The following NSMCE1 variants were observed in gnomAD, a reference collection of about 807,000 sequenced individuals.
NSMCE1 encodes the protein NSE1 component of SMC5/6 complex.
A neutral mutation model predicts 29.6 loss-of-function variants in NSMCE1; 18 were observed. The ratio of observed to expected loss-of-function variants is 0.61; its 90% CI spans 0.42 to 0.90. The LOEUF (loss-of-function observed/expected upper bound fraction) is 0.90, where lower values mean the gene tolerates loss of function less well. Ranked by LOEUF, NSMCE1 falls within the 40% of genes least tolerant of loss-of-function variation. The pLI is 0.00. For synonymous variants in NSMCE1, 124 were observed against 133.4 expected (o/e 0.93, Z 0.49); for missense variants, 314 against 343.6 (o/e 0.91, Z 0.68).
At chr16:27,230,925 C>T (rs1441254301) in intron 5 of NSMCE1, 1 of 152,396 alleles carries the variant, frequency 6.6e-6, no homozygotes. Flanking sequence ...CTCTCCTATC[C>T]ACCACCGCCC....
intron 7 of NSMCE1, among the ~76,000 whole-genome samples, chr16:27,225,438 A>C (rs948291207): frequency 6.6e-6 from 1 of 152,226 alleles, no homozygotes; most frequent in Admixed American, 6.5e-5. Context: ...AGCTGTGGAC[A>C]TAGCTTTCAC....
chr16:27,255,406 G>A (rs546968707), intron 2 of NSMCE1, among the ~76,000 whole-genome samples: 14 of 152,252 alleles, frequency 9.2e-5, no homozygotes, highest in Non-Finnish European at 1.8e-4. Flanking sequence ...TTACTATGGT[G>A]TATAGGGTTC....
chr16:27,231,234 C>CAG (rs1208462458), intron 5 of NSMCE1, among the ~76,000 whole-genome samples: 6 of 152,252 alleles, frequency 3.9e-5, no homozygotes, highest in African/African-American at 1.4e-4. Context: ...ACCTCATCCA[C>CAG]CTGTCCAGTC....
intron 1 of NSMCE1, chr16:27,266,687 A>T (rs1407175977): frequency 6.6e-6 from 1 of 152,182 alleles, no homozygotes; most frequent in Non-Finnish European, 1.5e-5. Context: ...AATGTACATC[A>T]GTAAATTTTT....
intron 2 of NSMCE1, among the ~76,000 whole-genome samples, chr16:27,248,406 C>CTTTTTTTTTTTTT (rs756697569): frequency 2.4e-5 from 2 of 84,762 alleles, no homozygotes; most frequent in African/African-American, 4.8e-5. Context: ...TTTTAGTTTG[C>CTTTTTTTTTTTTT]TTTTTTTTTT....
At chr16:27,226,699 C>A in intron 6 of NSMCE1, 21 bp downstream of exon 6, 1 of 1,520,616 alleles carries the variant, frequency 6.6e-7, no homozygotes, top group South Asian at 1.1e-5. Context: ...GATGAGCTCC[C>A]GTGCCCTGCC....
At chr16:27,260,892 C>T (rs1204456905) in intron 1 of NSMCE1, among the ~76,000 whole-genome samples, 1 of 139,180 alleles carries the variant, frequency 7.2e-6, no homozygotes, top group Non-Finnish European at 1.5e-5. Context: ...GGGGGCTGGT[C>T]GTGGTGGCTC....
At chr16:27,260,415 G>A (rs1282991614) in intron 1 of NSMCE1, among the ~76,000 whole-genome samples, 1 of 151,760 alleles carries the variant, frequency 6.6e-6, no homozygotes, top group Admixed American at 6.6e-5. Context: ...ATAATGTAAT[G>A]AGAAAAAATA....
intron 1 of NSMCE1, among the ~76,000 whole-genome samples, chr16:27,257,850 C>T (rs1185151232): frequency 1.3e-5 from 2 of 152,094 alleles, no homozygotes; most frequent in African/African-American, 4.8e-5. Context: ...GCAACTTAGT[C>T]CCCACAGGCT....
chr16:27,248,294 A>G (rs2083978947), intron 2 of NSMCE1, among the ~76,000 whole-genome samples: 1 of 151,824 alleles, frequency 6.6e-6, no homozygotes, highest in Non-Finnish European at 1.5e-5. Flanking sequence ...CAACAGTAGT[A>G]TATTAGAGTT....
chr16:27,238,200 G>C lies in NSMCE1; in HGVS notation c.137-2901C>G, dbSNP rs1235547669. Among the ~76,000 whole-genome samples, 3 of 152,286 alleles carry C rather than the reference G, an allele frequency of 2.0e-5. No homozygotes were observed. The Middle Eastern group carries it at 0.01, about 518-fold the overall frequency. Reference sequence around the variant, plus strand: ...CTAGCCCATCCTGCCCTCCCGCTCTGTGGGGCCCTGCGTGAGCCTCTCCCC... The same window carrying C: ...CTAGCCCATCCTGCCCTCCCGCTCTCTGGGGCCCTGCGTGAGCCTCTCCCC... On this transcript the variant is annotated intron_variant, in intron 2 of 7. Transcript: ENST00000361439.
At chr16:27,247,192 G>A (rs1348608880) in intron 2 of NSMCE1, among the ~76,000 whole-genome samples, 2 of 152,200 alleles carry the variant, frequency 1.3e-5, no homozygotes, top group Admixed American at 6.5e-5. Context: ...CATGTCATGG[G>A]AGGGGCCTGG....
chr16:27,239,326 T>A (rs2083864075), intron 2 of NSMCE1, among the ~76,000 whole-genome samples: 3 of 152,172 alleles, frequency 2.0e-5, no homozygotes, highest in Non-Finnish European at 4.4e-5. Context: ...CCCTGGTCTC[T>A]CCCCTGATCC....
chr16:27,247,104 C>A (rs1310638056), intron 2 of NSMCE1, among the ~76,000 whole-genome samples: 1 of 152,144 alleles, frequency 6.6e-6, no homozygotes, highest in Non-Finnish European at 1.5e-5. Context: ...ATTGCAAAGA[C>A]ATATTTCCAT....
rs1409953241 is a variant in NSMCE1, at chr16:27,225,838, G to T, written c.609C>A (p.Ser203Arg). The change falls in exon 7 of 8, where the codon AGC becomes AGA. Residue 203 changes from serine (S) to arginine (R), a missense_variant. Transcript: ENST00000361439. ...ICHSLLIQGQ[S>R]CETCGIRMHL... Reference sequence around the variant, plus strand: ...GCATCCTGATCCCACAGGTTTCGCAGCTTTGACCCTGAAACAGGAAAGGCC... The same window carrying T: ...GCATCCTGATCCCACAGGTTTCGCATCTTTGACCCTGAAACAGGAAAGGCC... The T allele has an allele frequency of 6.2e-7, 1 of 1,614,092 alleles. No homozygotes were observed. Among genetic ancestry groups the T allele is most frequent in the Admixed American group, 1.7e-5 (1 of 60,028 alleles).
chr16:27,250,536 A>T (rs867973981), intron 2 of NSMCE1, among the ~76,000 whole-genome samples: 2 of 151,420 alleles, frequency 1.3e-5, no homozygotes, highest in Non-Finnish European at 2.9e-5. Context: ...TCATGCCTGT[A>T]ATCCCAGCAC....
chr16:27,237,101 C>G (rs538766488), intron 2 of NSMCE1, among the ~76,000 whole-genome samples: 1 of 152,354 alleles, frequency 6.6e-6, no homozygotes, highest in Non-Finnish European at 1.5e-5. Flanking sequence ...GGCAGTGACA[C>G]TAATGTGCCA....
At chr16:27,241,108 T>A (rs1343687340) in intron 2 of NSMCE1, among the ~76,000 whole-genome samples, 7 of 152,094 alleles carry the variant, frequency 4.6e-5, no homozygotes, top group African/African-American at 1.7e-4. Context: ...TACATTGGAA[T>A]GTAATGTTAC....
chr16:27,240,747 A>G lies in NSMCE1; in HGVS notation c.137-5448T>C, dbSNP rs894543691. ...TCTTGAGAGATTTTGTTTTGGACTA[A>G]TTCTGTATACAGTTTCTCCTTTTCT... On this transcript the variant is annotated intron_variant, in intron 2 of 7. Coordinates refer to ENST00000361439, the MANE Select transcript of NSMCE1 (RefSeq NM_145080.4). Among the ~76,000 whole-genome samples, 14 of 152,300 alleles carry G rather than the reference A, an allele frequency of 9.2e-5. No homozygotes were observed. The South Asian group carries it at 1.7e-3, about 18-fold the overall frequency.
Sources: allele counts gnomAD v4.1 joint callset (sites outside exome capture counted in the v4.1 genomes callset), GRCh38; gene constraint gnomAD v4.1.1; transcripts MANE v1.5; gene names NCBI Gene and HGNC (gene_info 2026-07-23, HGNC 2026-07-21).